Variants in MEP1A observed in about 807,000 individuals in gnomAD.
The protein encoded by MEP1A is meprin A subunit alpha, also known as N-benzoyl-L-tyrosyl-P-amino-benzoic acid hydrolase subunit alpha.
MEP1A carries 68 observed loss-of-function variants against 84.5 expected under a neutral mutation model. The observed-to-expected ratio is 0.80, with a 90% CI of 0.66 to 0.98. MEP1A has a LOEUF of 0.98. Among genes scored for constraint, MEP1A ranks in the 50% least tolerant of loss-of-function variants. MEP1A has a pLI of 0.00. For missense variants in MEP1A, 887 were observed against 919.9 expected, an observed-to-expected ratio of 0.96 and a Z score of 0.46; for synonymous variants, 337 against 336.8, an observed-to-expected ratio of 1.00 and a Z score of -0.01.
intron 6 of MEP1A, among the ~76,000 whole-genome samples, chr6:46,819,094 A>C (rs1334568477): frequency 6.6e-6 from 1 of 152,182 alleles, no homozygotes; most frequent in Non-Finnish European, 1.5e-5. Context: ...CAGCAACCTG[A>C]GTGATAAAGT....
At chr6:46,807,747 A>AAAGGAAGGAAGGAAGGAAAGG (rs58448841) in intron 5 of MEP1A, among the ~76,000 whole-genome samples, 1 of 90,092 alleles carries the variant, frequency 1.1e-5, no homozygotes. Context: ...GGAGGGAAGG[A>AAAGGAAGGAAGGAAGGAAAGG]AAGGAAGGAA....
chr6:46,829,493 G>T lies in MEP1A; in HGVS notation c.1066G>T (p.Asp356Tyr), dbSNP rs1768028189. 6.2e-7 allele frequency: 1 copy of T among 1,614,086 alleles called. No homozygotes were observed. The highest frequency in any genetic ancestry group is 8.5e-7 in the Non-Finnish European group (1 of 1,180,026). Reference protein sequence around the residue: ...FFYKMTGSPSDRLVVWVRRDD... With the variant: ...FFYKMTGSPSYRLVVWVRRDD... ...CTATAAAATGACGGGAAGTCCTTCA[G>T]ACAGACTCGTTGTCTGGGTCAGGAG... The change falls in exon 10 of 14, where the codon GAC becomes TAC. Residue 356 changes from aspartate to tyrosine, a missense_variant. Asp to Tyr is a radical substitution (Grantham distance 160). Coordinates refer to ENST00000230588, the MANE Select transcript of MEP1A (RefSeq NM_005588.3).
chr6:46,842,732 C>T (rs1469567014), downstream of MEP1A, among the ~76,000 whole-genome samples: 4 of 152,044 alleles, frequency 2.6e-5, no homozygotes, highest in Non-Finnish European at 5.9e-5. Context: ...TTGTATACCC[C>T]CTCCCCTTTT....
chr6:46,838,140 C>T lies in MEP1A; in HGVS notation c.2085-840C>T, dbSNP rs574728434. ...CTCAAACTCCTGACCTCAGGTGATC[C>T]ACCCGGCCTCCCAAAGTGCTGGTAT... On this transcript the variant is annotated intron_variant, in intron 13 of 13. Transcript: ENST00000230588. 1.2e-4 allele frequency among the ~76,000 whole-genome samples: 18 copies of T among 151,832 alleles called. No individual in the cohort carries two copies. The South Asian group carries it at 3.7e-3, about 32-fold the overall frequency.
At chr6:46,809,587 A>AGAAG in intron 6 of MEP1A, 50 bp downstream of exon 6, 1 of 1,256,482 alleles carries the variant, frequency 8.0e-7, no homozygotes, top group Non-Finnish European at 1.2e-6. Flanking sequence ...TTGGTTCGTA[A>AGAAG]GAAGTATTCT....
intron 7 of MEP1A, among the ~76,000 whole-genome samples, chr6:46,819,981 A>T (rs751549009): frequency 6.6e-6 from 1 of 152,182 alleles, no homozygotes; most frequent in African/African-American, 2.4e-5. Flanking sequence ...TTAAAACTCT[A>T]TCTAAAACTC....
chr6:46,798,518 T>C, intron 3 of MEP1A, 88 bp from the exon 4 acceptor site: 6 of 1,104,660 alleles, frequency 5.4e-6, no homozygotes, highest in Non-Finnish European at 8.2e-6. Flanking sequence ...CAAAGATTTA[T>C]AATGGCAAAT....
At chr6:46,798,344 C>T (rs181584019) in intron 3 of MEP1A, among the ~76,000 whole-genome samples, 1 of 152,056 alleles carries the variant, frequency 6.6e-6, no homozygotes, top group Non-Finnish European at 1.5e-5. Context: ...CAGTAAAATC[C>T]CTTCTAACTT....
rs1554189044 is a variant in MEP1A at position 46,807,822 on chromosome 6, A to AGAAAGAAAGAAAGAAAGAAAGAAAGAAG, written c.263-1581_263-1580insAAAGAAAGAAGGAAAGAAAGAAAGAAAG. Among the ~76,000 whole-genome samples, 141 of 150,428 alleles carry AGAAAGAAAGAAAGAAAGAAAGAAAGAAG rather than the reference A, an allele frequency of 9.4e-4. 1 individual carries two copies. Among genetic ancestry groups the AGAAAGAAAGAAAGAAAGAAAGAAAGAAG allele is most frequent in the African/African-American group, 3.2e-3 (132 of 40,802 alleles). The stretch of plus-strand genomic sequence containing the variant: ...AAGAAAGAAAGAAAGAAAGAAAGAA[A>AGAAAGAAAGAAAGAAAGAAAGAAAGAAG]GAAAGAAAGAAAGAAAGGAAGAAAG... On this transcript the variant is annotated intron_variant, in intron 5 of 13. Transcript: ENST00000230588.
Position 46,804,890 on chromosome 6 carries a change from G to T in MEP1A, c.263-4530G>T, listed in dbSNP as rs1233975586. Among the ~76,000 whole-genome samples the T allele has an allele frequency of 4.3e-5, 6 of 138,524 alleles. No individual in the cohort carries two copies. The East Asian group carries it at 9.9e-4, about 23-fold the overall frequency. The allele number at this position is 138,524 out of a possible 152,430, so 90.9% of individuals were successfully genotyped here. ...TCTATTTTTTCTTTTTTCTTCATAG[G>T]TGAATTTAACCTCTTCTAGAATTTC... On this transcript the variant is annotated intron_variant, in intron 5 of 13. Transcript: ENST00000230588.
downstream of MEP1A, among the ~76,000 whole-genome samples, chr6:46,841,038 C>T (rs2150760718): frequency 6.6e-6 from 1 of 152,284 alleles, no homozygotes; most frequent in Admixed American, 6.5e-5. Context: ...TTAAAAGGAG[C>T]ATGCTGTGGT....
intron 6 of MEP1A, among the ~76,000 whole-genome samples, chr6:46,813,532 T>C (rs905570414): frequency 6.6e-5 from 10 of 152,118 alleles, no homozygotes; most frequent in Non-Finnish European, 1.3e-4. Context: ...GTGGAGAATT[T>C]AGGGCATTTA....
intron 6 of MEP1A, among the ~76,000 whole-genome samples, chr6:46,812,420 C>G (rs1192060210): frequency 2.0e-5 from 3 of 151,804 alleles, no homozygotes; most frequent in African/African-American, 7.3e-5. Context: ...TTCAAAGAAC[C>G]AGATTTTTGT....
rs1554189044 is a variant in MEP1A at position 46,807,822 on chromosome 6, A to AGAAAGAAAGAAAGAAAGAAG, written c.263-1581_263-1580insAAGGAAAGAAAGAAAGAAAG. On this transcript the variant is annotated intron_variant, in intron 5 of 13. Coordinates refer to ENST00000230588, the MANE Select transcript of MEP1A (RefSeq NM_005588.3). ...AAGAAAGAAAGAAAGAAAGAAAGAA[A>AGAAAGAAAGAAAGAAAGAAG]GAAAGAAAGAAAGAAAGGAAGAAAG... Among the ~76,000 whole-genome samples, 460 of 150,424 alleles carry AGAAAGAAAGAAAGAAAGAAG rather than the reference A, an allele frequency of 3.1e-3. 7 individuals are homozygous for AGAAAGAAAGAAAGAAAGAAG. The highest frequency in any genetic ancestry group is 0.011 in the African/African-American group (434 of 40,798).
intron 3 of MEP1A, among the ~76,000 whole-genome samples, chr6:46,797,243 A>T (rs184750224): frequency 8.5e-5 from 13 of 152,338 alleles, no homozygotes. Context: ...CCAGCCTGTA[A>T]ATCAGGGCTG....
chr6:46,793,585 T>G lies in MEP1A; in HGVS notation c.94+9T>G. On this transcript the variant is annotated intron_variant, in intron 2 of 13. Transcript: ENST00000230588. ...TCTTCCTGAAGAAAATGGTAAGAATTAGTTCAAATGCACAGAGAGTGTTTT... is the reference window on the plus strand; with the variant it reads ...TCTTCCTGAAGAAAATGGTAAGAATGAGTTCAAATGCACAGAGAGTGTTTT... 2 of 1,552,992 alleles carry G rather than the reference T, an allele frequency of 1.3e-6. No homozygotes were observed. The highest frequency in any genetic ancestry group is 2.7e-5 in the African/African-American group (2 of 72,814).
At chr6:46,837,267 A>T (rs4714953) in intron 13 of MEP1A, among the ~76,000 whole-genome samples, 101,342 of 152,140 alleles carry the variant, frequency 0.67, 34,091 homozygotes, top group South Asian at 0.74. Flanking sequence ...CATAAACATT[A>T]ATTTTATTCA....
chr6:46,844,575 T>C (rs1361881348), downstream of MEP1A, among the ~76,000 whole-genome samples: 2 of 151,848 alleles, frequency 1.3e-5, no homozygotes, highest in African/African-American at 4.8e-5. Context: ...CATTTAAAGA[T>C]CCTATCTGGT....
At chr6:46,835,593 G>C (rs762682371) in intron 13 of MEP1A, 44 bp downstream of exon 13, 20 of 1,598,486 alleles carry the variant, frequency 1.3e-5, no homozygotes, top group Non-Finnish European at 1.2e-5. Flanking sequence ...GCAGACCTGG[G>C]CCGTGTGCAT....
Sources: gnomAD v4.1 joint callset for allele counts (sites outside exome capture counted in the v4.1 genomes callset) on GRCh38, gnomAD v4.1.1 for gene constraint, MANE v1.5 for transcripts, NCBI Gene and HGNC (gene_info 2026-07-23, HGNC 2026-07-21) for gene names.